Variants in CHL1 observed in about 807,000 individuals in gnomAD.
The protein encoded by CHL1 is neural cell adhesion molecule L1-like protein.
In CHL1, 96 loss-of-function variants were observed where a neutral mutation model predicts 141.9. The observed-to-expected ratio is 0.68, with a 90% CI of 0.57 to 0.80. The LOEUF is 0.80. CHL1 is among the 30% of genes least tolerant of loss of function. CHL1 has a pLI of 0.00. For synonymous variants in CHL1, 613 were observed against 502.2 expected (o/e 1.22, Z -2.95); for missense variants, 1,820 against 1,457.2 (o/e 1.25, Z -4.05).
intron 14 of CHL1, chr3:364,035 A>G (rs1704563591): frequency 6.6e-6 from 1 of 152,004 alleles, no homozygotes; most frequent in Non-Finnish European, 1.5e-5. Context: ...TAGATAAGGG[A>G]GAGCATATTT....
At chr3:283,640 G>A (rs1696857542) in intron 2 of CHL1, among the ~76,000 whole-genome samples, 1 of 152,206 alleles carries the variant, frequency 6.6e-6, no homozygotes, top group South Asian at 2.1e-4. Flanking sequence ...ACAGACTCTA[G>A]TGTAAACTAT....
chr3:248,894 A>G (rs1559334658), intron 2 of CHL1, among the ~76,000 whole-genome samples: 1 of 152,216 alleles, frequency 6.6e-6, no homozygotes, highest in Non-Finnish European at 1.5e-5. Context: ...CTGTTCAAGT[A>G]GCAACATGAC....
At chr3:241,003 T>C (rs372110312) in intron 1 of CHL1, among the ~76,000 whole-genome samples, 2 of 152,320 alleles carry the variant, frequency 1.3e-5, no homozygotes, top group East Asian at 3.9e-4. Flanking sequence ...ATTATGGCCT[T>C]ATCCAAAGAG....
chr3:287,926 A>G (rs1220945124), intron 2 of CHL1, among the ~76,000 whole-genome samples: 1 of 140,414 alleles, frequency 7.1e-6, no homozygotes, highest in Non-Finnish European at 1.6e-5. Context: ...CCATCACGCC[A>G]GGCTAAGTTT....
intron 10 of CHL1, 105 bp from the exon 11 acceptor site, chr3:354,535 G>C: frequency 1.6e-6 from 2 of 1,283,314 alleles, no homozygotes; most frequent in Non-Finnish European, 2.1e-6. Context: ...GAAACCCTTT[G>C]TGGTGTCTGC....
At chr3:300,682 G>T (rs372872757) in intron 2 of CHL1, among the ~76,000 whole-genome samples, 1 of 151,922 alleles carries the variant, frequency 6.6e-6, no homozygotes, top group Non-Finnish European at 1.5e-5. Flanking sequence ...TCTAGTAAGA[G>T]ACAAGCATCA....
intron 1 of CHL1, chr3:197,635 G>GC (rs200263016): frequency 0.014 from 5,203 of 368,850 alleles, 235 homozygotes; most frequent in African/African-American, 0.1. Context: ...CAGCCCGGGG[G>GC]GGGTTCCGAA....
intron 3 of CHL1, among the ~76,000 whole-genome samples, chr3:321,092 C>A (rs1559250378): frequency 6.6e-6 from 1 of 152,056 alleles, no homozygotes; most frequent in Non-Finnish European, 1.5e-5. Context: ...GGAAACAACT[C>A]TCTGACTATC....
chr3:220,636 G>T lies in CHL1; in HGVS notation c.-175+23573G>T, dbSNP rs577747813. On this transcript the variant is annotated intron_variant, in intron 1 of 27. Transcript: ENST00000256509. ...CCTATGCATGTAGAATGCTATAATT[G>T]CACCTGTGAGTAGCCACTGCACTCC... 1.4e-4 allele frequency among the ~76,000 whole-genome samples: 22 copies of T among 152,124 alleles called. No homozygotes were observed. The East Asian group carries it at 4.1e-3, about 28-fold the overall frequency.
intron 9 of CHL1, among the ~76,000 whole-genome samples, chr3:348,339 C>G (rs1032056999): frequency 4.6e-5 from 7 of 152,106 alleles, no homozygotes; most frequent in Admixed American, 1.3e-4. Flanking sequence ...CTACTAATAA[C>G]AAGAAGAAAT....
chr3:393,027 A>G (rs959224926), intron 23 of CHL1, among the ~76,000 whole-genome samples: 4 of 152,098 alleles, frequency 2.6e-5, no homozygotes, highest in African/African-American at 9.7e-5. Context: ...AGGTCAGGAG[A>G]TCGAGACCAT....
chr3:307,169 G>A (rs901805625), intron 2 of CHL1, among the ~76,000 whole-genome samples: 1 of 152,164 alleles, frequency 6.6e-6, no homozygotes, highest in Non-Finnish European at 1.5e-5. Context: ...AGAGAAAAAT[G>A]AGAGTTTTAA....
At chr3:199,031 C>T (rs1400562958) in intron 1 of CHL1, among the ~76,000 whole-genome samples, 1 of 152,202 alleles carries the variant, frequency 6.6e-6, no homozygotes, top group African/African-American at 2.4e-5. Flanking sequence ...TTCTCTTTCA[C>T]CTGCAGATGT....
At chr3:242,541 A>T (rs1316329391) in intron 1 of CHL1, among the ~76,000 whole-genome samples, 2 of 152,088 alleles carry the variant, frequency 1.3e-5, no homozygotes, top group Admixed American at 1.3e-4. Flanking sequence ...GCTTGCAGTG[A>T]GCCGAGATTG....
intron 10 of CHL1, among the ~76,000 whole-genome samples, chr3:353,855 A>G (rs980418791): frequency 3.9e-5 from 6 of 152,214 alleles, no homozygotes; most frequent in Non-Finnish European, 7.3e-5. Flanking sequence ...CAAACCATCA[A>G]CACTTTAATC....
intron 15 of CHL1, among the ~76,000 whole-genome samples, chr3:368,761 A>C (rs1440547842): frequency 6.6e-6 from 1 of 152,148 alleles, no homozygotes; most frequent in African/African-American, 2.4e-5. Context: ...ATCTTGAATT[A>C]ATTTTTGTTT....
intron 3 of CHL1, among the ~76,000 whole-genome samples, chr3:323,121 A>G (rs1700728222): frequency 6.6e-6 from 1 of 151,986 alleles, no homozygotes; most frequent in Non-Finnish European, 1.5e-5. Flanking sequence ...CTTTAAAGTT[A>G]TGACTGACAA....
At chr3:323,771 G>A (rs533200352) in intron 3 of CHL1, among the ~76,000 whole-genome samples, 7 of 152,182 alleles carry the variant, frequency 4.6e-5, no homozygotes, top group African/African-American at 1.4e-4. Context: ...AGGCTGAGGC[G>A]GGAGGATTAC....
intron 3 of CHL1, among the ~76,000 whole-genome samples, chr3:324,051 T>C (rs1029689071): frequency 1.3e-5 from 2 of 152,140 alleles, no homozygotes; most frequent in Non-Finnish European, 2.9e-5. Context: ...ATTCCTGTTA[T>C]AGTAAATATT....
Sources: allele counts gnomAD v4.1 joint callset (sites outside exome capture counted in the v4.1 genomes callset), GRCh38; gene constraint gnomAD v4.1.1; transcripts MANE v1.5; gene names NCBI Gene and HGNC (gene_info 2026-07-23, HGNC 2026-07-21).